Variants in WNT9B observed in about 807,000 individuals in gnomAD.
WNT9B encodes protein Wnt-9b.
A neutral mutation model predicts 30.2 loss-of-function variants in WNT9B; 12 were observed. That is an observed-to-expected ratio of 0.40 (90% CI 0.26 to 0.64). WNT9B has a LOEUF of 0.64. Among genes scored for constraint, WNT9B ranks in the 30% least tolerant of loss-of-function variants. The pLI, the probability that WNT9B is intolerant of heterozygous loss-of-function variation, is 0.42. For missense variants in WNT9B, 442 were observed against 485.2 expected (o/e 0.91, Z 0.84); for synonymous variants, 218 against 216.9 (o/e 1.01, Z -0.05).
At chr17:46,885,254 C>T (rs2085475686), downstream of WNT9B, 1 of 297,530 alleles carries the variant, frequency 3.4e-6, no homozygotes, top group African/African-American at 2.3e-5. Flanking sequence ...GATCCACCCG[C>T]CTCGGCCTCC....
rs989862662 is a variant in WNT9B at position 46,851,732 on chromosome 17, C to T, written c.77+17C>T. The T allele has an allele frequency of 1.4e-5, 17 of 1,252,650 alleles. No individual in the cohort carries two copies. The highest frequency in any genetic ancestry group is 1.7e-5 in the Non-Finnish European group (17 of 995,910). 77.6% of individuals were successfully genotyped at this position (1,252,650 alleles called of 1,614,324 possible). A position where few individuals can be genotyped will look rare whatever the true frequency, so the allele number is the denominator to read the frequency against. ...CTACTTCGGGTCAGTGCCCGCCGCG[C>T]CCCCCGCCCGCTCCCCGGCCTGCCT... On this transcript the variant is annotated intron_variant, in intron 1 of 3. Coordinates refer to ENST00000290015, the MANE Select transcript of WNT9B (RefSeq NM_003396.3). This position sits in a 1 kb window ranked among gnomAD's most constrained non-coding sequence, Gnocchi z 4.3.
chr17:46,835,652 T>C (rs2084619687), intron 1 of WNT9B, among the ~76,000 whole-genome samples: 1 of 152,254 alleles, frequency 6.6e-6, no homozygotes, highest in Non-Finnish European at 1.5e-5. Context: ...TGACCTACAG[T>C]GGCCCTCAGC....
rs919883180 is a variant in WNT9B, at chr17:46,878,444, G to A, written c.*1726G>A. Among the ~76,000 whole-genome samples the A allele has an allele frequency of 6.6e-6, 1 of 152,226 alleles. No homozygotes were observed. Among genetic ancestry groups the A allele is most frequent in the Non-Finnish European group, 1.5e-5 (1 of 68,044 alleles). On this transcript the variant is annotated 3_prime_UTR_variant, in exon 4 of 4. Transcript: ENST00000290015. ...AGGGCAGTCTGCTGGATGCTGGAAG[G>A]ATTTTTGACTGCAGAGGCCCGGCTG... is the stretch of plus-strand genomic sequence containing the variant.
intron 1 of WNT9B, among the ~76,000 whole-genome samples, chr17:46,844,065 C>T (rs1349570686): frequency 2.6e-5 from 4 of 152,168 alleles, no homozygotes; most frequent in African/African-American, 9.7e-5. Context: ...GAAATCCTCC[C>T]ATCTCAGCCT....
At chr17:46,834,915 C>T (rs1461025492) in intron 1 of WNT9B, among the ~76,000 whole-genome samples, 3 of 152,224 alleles carry the variant, frequency 2.0e-5, no homozygotes, top group Non-Finnish European at 4.4e-5. Flanking sequence ...ATTGAGCTCA[C>T]CTGTCAGTGT....
At chr17:46,863,498 T>C (rs937185549) in intron 1 of WNT9B, among the ~76,000 whole-genome samples, 1 of 152,030 alleles carries the variant, frequency 6.6e-6, no homozygotes, top group Non-Finnish European at 1.5e-5. Flanking sequence ...GATGGTACTA[T>C]ATATACAAAA....
rs116126279 is a variant in WNT9B at position 46,875,142 on chromosome 17, G to A, written c.376G>A (p.Ala126Thr). The change falls in exon 3 of 4, where the codon GCC (alanine) becomes ACC (threonine). Residue 126 changes from alanine (A) to threonine (T), a missense_variant. Ala to Thr is a moderately conservative substitution (Grantham distance 58). Transcript: ENST00000290015. Reference sequence around the variant, plus strand: ...TTTCCTGTACGCGGTGTCCTCTGCCGCCCTCACCCACACCCTGGCCCGGGC... The same window carrying A: ...TTTCCTGTACGCGGTGTCCTCTGCCACCCTCACCCACACCCTGGCCCGGGC... The part of the protein sequence containing the change: ...TAFLYAVSSA[A>T]LTHTLARACS... 2,105 of 1,613,906 alleles carry A rather than the reference G, an allele frequency of 1.3e-3. 25 individuals carry two copies. The African/African-American group carries it at 0.025, about 19-fold the overall frequency.
chr17:46,846,151 A>G (rs1480215022), intron 1 of WNT9B, among the ~76,000 whole-genome samples: 1 of 152,154 alleles, frequency 6.6e-6, no homozygotes. Flanking sequence ...TAACTACTAG[A>G]CAGAACTGGA....
rs1447851995 is a variant in WNT9B, at chr17:46,877,946, T to A, written c.*1228T>A. On this transcript the variant is annotated 3_prime_UTR_variant, in exon 4 of 4. Transcript: ENST00000290015. ...CTTACTTGAGGAGGAGACGTGACTTTGATAATTTCCTCAGATCCTGTGGAC... is the reference window on the plus strand; with the variant it reads ...CTTACTTGAGGAGGAGACGTGACTTAGATAATTTCCTCAGATCCTGTGGAC... 6.6e-6 allele frequency among the ~76,000 whole-genome samples: 1 copy of A among 152,176 alleles called. No individual in the cohort carries two copies. The highest frequency in any genetic ancestry group is 6.5e-5 in the Admixed American group (1 of 15,286).
chr17:46,840,277 G>C (rs554003531), intron 1 of WNT9B, among the ~76,000 whole-genome samples: 77 of 152,024 alleles, frequency 5.1e-4, no homozygotes, highest in Admixed American at 9.2e-4. Context: ...TAGTAGAGAC[G>C]GGGTTTCACC....
chr17:46,861,281 T>C (rs542733571), intron 1 of WNT9B, among the ~76,000 whole-genome samples: 2 of 152,352 alleles, frequency 1.3e-5, no homozygotes, highest in South Asian at 4.1e-4. Context: ...AATTCACTTG[T>C]AGTTTCCTTT....
chr17:46,867,615 G>C (rs1475085412), intron 1 of WNT9B, among the ~76,000 whole-genome samples: 1 of 152,234 alleles, frequency 6.6e-6, no homozygotes, highest in East Asian at 1.9e-4. Context: ...TCTCCTGGGA[G>C]GCTTTTGCCA....
chr17:46,848,798 AC>A (rs1337416697), upstream of WNT9B, among the ~76,000 whole-genome samples: 4 of 152,148 alleles, frequency 2.6e-5, no homozygotes, highest in African/African-American at 9.7e-5. Flanking sequence ...CAGCTGGCCC[AC>A]CTACACCTGC....
rs764205425 is a variant in WNT9B at position 46,877,082 on chromosome 17, T to G, written c.*364T>G. 32 of 1,063,786 alleles carry G rather than the reference T, an allele frequency of 3.0e-5. No individual in the cohort carries two copies. Among genetic ancestry groups the G allele is most frequent in the African/African-American group, 5.0e-5 (3 of 60,148 alleles). The allele number at this position is 1,063,786 out of a possible 1,614,324, so 65.9% of individuals were successfully genotyped here. On this transcript the variant is annotated 3_prime_UTR_variant, in exon 4 of 4. Transcript: ENST00000290015. The stretch of plus-strand genomic sequence containing the variant: ...CATCTTGCTTCCTGGGATGAATGGC[T>G]TGGAGCCAGCATGTTCTTGGGAGGT...
intron 1 of WNT9B, among the ~76,000 whole-genome samples, chr17:46,838,037 A>G (rs946239945): frequency 1.3e-5 from 2 of 152,082 alleles, no homozygotes; most frequent in African/African-American, 2.4e-5. Flanking sequence ...ACTTTAGGCC[A>G]TTGCTCCAAC....
intron 1 of WNT9B, among the ~76,000 whole-genome samples, chr17:46,865,670 C>T (rs9915641): frequency 0.01 from 1,578 of 152,188 alleles, 23 homozygotes; most frequent in African/African-American, 0.036. Context: ...GGCTGGAGTG[C>T]GGTGGCGTGA....
intron 1 of WNT9B, among the ~76,000 whole-genome samples, chr17:46,856,413 T>C (rs553456782): frequency 7.2e-5 from 11 of 152,164 alleles, no homozygotes; most frequent in African/African-American, 1.2e-4. Context: ...TATAATTCCA[T>C]TGGAGAAACA....
Position 46,851,684 on chromosome 17 carries a change from G to A in WNT9B, c.46G>A (p.Ala16Thr). 1 of 1,309,390 alleles carries A rather than the reference G, an allele frequency of 7.6e-7. No homozygotes were observed. The highest frequency in any genetic ancestry group is 9.7e-7 in the Non-Finnish European group (1 of 1,033,774). The allele number at this position is 1,309,390 out of a possible 1,614,324, so 81.1% of individuals were successfully genotyped here. Residue 16 changes from alanine to threonine, a missense_variant, in exon 1 of 4, where the codon GCG (alanine) becomes ACG (threonine). Physicochemically the swap from Ala to Thr is moderately conservative, Grantham distance 58. Coordinates refer to ENST00000290015, the MANE Select transcript of WNT9B (RefSeq NM_003396.3). The surrounding 1 kb of genome is among the most constrained non-coding windows in gnomAD (Gnocchi z 4.3). The stretch of plus-strand genomic sequence containing the variant: ...GGCCCTGGCCGGGCTCTGCCTGCTG[G>A]CGCTGCCCGCCGCCGCCGCCTCCTA... ...ALALAGLCLL[A>T]LPAAAASYFG...
intron 1 of WNT9B, among the ~76,000 whole-genome samples, chr17:46,870,590 T>A (rs1598859517): frequency 6.6e-6 from 1 of 152,062 alleles, no homozygotes; most frequent in African/African-American, 2.4e-5. Flanking sequence ...CATGATGGGT[T>A]GACTGCACCT....
Sources: allele counts gnomAD v4.1 joint callset (sites outside exome capture counted in the v4.1 genomes callset), GRCh38; gene constraint gnomAD v4.1.1; non-coding constraint Gnocchi (gnomAD v3.1); transcripts MANE v1.5; gene names NCBI Gene and HGNC (gene_info 2026-07-23, HGNC 2026-07-21).